The following GSTM3 variants were observed in gnomAD, a reference collection of about 807,000 sequenced individuals.
GSTM3 encodes GST class-mu 3.
Under a neutral mutation model 36.1 loss-of-function variants are expected in GSTM3, and 34 were observed. The ratio of observed to expected loss-of-function variants is 0.94; its 90% confidence interval spans 0.72 to 1.25. The LOEUF is 1.25. Among genes scored for constraint, GSTM3 ranks in the 50% most tolerant of loss-of-function variants. The pLI is 0.00. For missense variants in GSTM3, 266 were observed against 281.6 expected (o/e 0.94, Z 0.40); for synonymous variants, 102 against 99.5 (o/e 1.03, Z -0.15).
intron 8 of GSTM3, 132 bp downstream of exon 8, chr1:109,737,325 T>G: frequency 1.2e-6 from 1 of 817,154 alleles, no homozygotes; most frequent in Non-Finnish European, 2.1e-6. Flanking sequence ...TCCCAAGACT[T>G]AAAGGTCTAG....
chr1:109,739,556 G>T, intron 3 of GSTM3, 63 bp from the exon 4 acceptor site: 2 of 1,225,838 alleles, frequency 1.6e-6, no homozygotes, highest in Non-Finnish European at 2.4e-6. Context: ...AAGAGCAAAA[G>T]ATCTAAAGAA....
chr1:109,737,858 T>C (rs1649249701), intron 6 of GSTM3, 107 bp from the exon 7 acceptor site: 1 of 748,770 alleles, frequency 1.3e-6, no homozygotes, highest in African/African-American at 1.8e-5. Context: ...TGGGTTCTCA[T>C]TGCCTTCACT....
rs181494302 is a variant in GSTM3, at chr1:109,740,223, G to A, written c.48+17C>T. ...GTCTCTTTGACCGAGCGGCTCTACCGTTGAGACGGCACTCACCCCACGAAT... is the reference window on the plus strand; with the variant it reads ...GTCTCTTTGACCGAGCGGCTCTACCATTGAGACGGCACTCACCCCACGAAT... On this transcript the variant is annotated intron_variant, in intron 2 of 8. Coordinates refer to ENST00000361066, the MANE Select transcript of GSTM3 (RefSeq NM_000849.5). 2.5e-6 allele frequency: 4 copies of A among 1,610,468 alleles called. No homozygotes were observed. The East Asian group carries it at 6.7e-5, about 27-fold the overall frequency.
At chr1:109,738,256 G>C (rs1649266136) in intron 5 of GSTM3, 29 bp downstream of exon 5, 1 of 1,603,784 alleles carries the variant, frequency 6.2e-7, no homozygotes, top group African/African-American at 1.3e-5. Context: ...TACCAGCCTG[G>C]GGTCCCTCAC....
intron 6 of GSTM3, 101 bp from the exon 7 acceptor site, chr1:109,737,852 T>C: frequency 1.3e-6 from 1 of 779,630 alleles, no homozygotes; most frequent in Non-Finnish European, 2.2e-6. Flanking sequence ...TCTAGGTGGG[T>C]TCTCATTGCC....
chr1:109,738,251 G>T, intron 5 of GSTM3, 34 bp downstream of exon 5: 3 of 1,601,946 alleles, frequency 1.9e-6, no homozygotes, highest in Non-Finnish European at 2.6e-6. Flanking sequence ...CAAACTACCA[G>T]CCTGGGGTCC....
chr1:109,737,250 T>C (rs1484557548), intron 8 of GSTM3, 81 bp from the exon 9 acceptor site: 2 of 982,992 alleles, frequency 2.0e-6, no homozygotes, highest in Non-Finnish European at 3.3e-6. Context: ...CATTCACGTG[T>C]TGCCTGCGTC....
rs948557600 is a variant in GSTM3, at chr1:109,736,138, A to G, written c.*933T>C. The G allele has an allele frequency of 6.6e-6, 1 of 152,240 alleles. No individual in the cohort carries two copies. Among genetic ancestry groups the G allele is most frequent in the African/African-American group, 2.4e-5 (1 of 41,470 alleles). The allele number at this position is 152,240 out of a possible 1,614,324, so 9.4% of individuals were successfully genotyped here. ...ATATGGTTTCTCACTGTTGTAATTGATAATTCCTTACATCATAAACATCTT... is the reference window on the plus strand; with the variant it reads ...ATATGGTTTCTCACTGTTGTAATTGGTAATTCCTTACATCATAAACATCTT... On this transcript the variant is annotated 3_prime_UTR_variant, in exon 9 of 9. Transcript: ENST00000361066.
chr1:109,739,540 C>G lies in GSTM3; in HGVS notation c.125-47G>C, dbSNP rs189263054. On this transcript the variant is annotated intron_variant, in intron 3 of 8. Coordinates refer to ENST00000361066, the MANE Select transcript of GSTM3 (RefSeq NM_000849.5). ...GGGACCCAACCTCCTTAATACCCCA[C>G]CTGACAAGAGCAAAAGATCTAAAGA... 11 of 1,363,830 alleles carry G rather than the reference C, an allele frequency of 8.1e-6. No individual in the cohort carries two copies. The East Asian group carries it at 1.4e-4, about 17-fold the overall frequency. The allele number at this position is 1,363,830 out of a possible 1,614,324, so 84.5% of individuals were successfully genotyped here. A position where few individuals can be genotyped will look rare whatever the true frequency, so the allele number is the denominator to read the frequency against.
Position 109,735,065 on chromosome 1 carries a change from G to A in GSTM3, c.*2006C>T, listed in dbSNP as rs1202053293. 6.6e-6 allele frequency: 1 copy of A among 152,248 alleles called. No homozygotes were observed. The highest frequency in any genetic ancestry group is 1.9e-4 in the East Asian group (1 of 5,200). The allele number at this position is 152,248 out of a possible 1,614,324, so 9.4% of individuals were successfully genotyped here. A position where few individuals can be genotyped will look rare whatever the true frequency, so the allele number is the denominator to read the frequency against. ...GAAAAGCAAGTCTTAGCCTTAACTT[G>A]GAAATGCCCTTTAACTTCCACCATG... On this transcript the variant is annotated 3_prime_UTR_variant, in exon 9 of 9. Transcript: ENST00000361066.
intron 8 of GSTM3, 89 bp from the exon 9 acceptor site, chr1:109,737,258 G>T: frequency 1.1e-6 from 1 of 945,360 alleles, no homozygotes; most frequent in Non-Finnish European, 1.7e-6. Context: ...TGTTGCCTGC[G>T]TCTACCTCCT....
rs941549121 is a variant in GSTM3, at chr1:109,739,884, G to A, written c.73C>T (p.Leu25=). The A allele has an allele frequency of 2.6e-6, 4 of 1,555,382 alleles. No homozygotes were observed. Among genetic ancestry groups the A allele is most frequent in the South Asian group, 2.4e-5 (2 of 84,266 alleles). ...RGLAHAIRLL[L]EFTDTSYEEK... ...TCATAAGAGGTATCCGTGAACTCCA[G>A]GAGCAGGCGGATGGCGTGCGCCAGC... Residue 25 remains leucine (L), a synonymous_variant, in exon 3 of 9, where the codon CTG becomes TTG. Transcript: ENST00000361066.
At chr1:109,738,878 T>C (rs1649287078) in intron 4 of GSTM3, among the ~76,000 whole-genome samples, 1 of 152,218 alleles carries the variant, frequency 6.6e-6, no homozygotes, top group Non-Finnish European at 1.5e-5. Context: ...CCCAACACTT[T>C]GGAAGGCCGA....
rs781056102 is a variant in GSTM3, at chr1:109,734,681, G to A, written c.*2390C>T. Reference sequence around the variant, plus strand: ...AGCTTTATACCTCTTCTGGCCAAAGGCTCCCCCATGCCCAAGATACTGGCC... The same window carrying A: ...AGCTTTATACCTCTTCTGGCCAAAGACTCCCCCATGCCCAAGATACTGGCC... On this transcript the variant is annotated 3_prime_UTR_variant, in exon 9 of 9. Transcript: ENST00000361066. The A allele has an allele frequency of 6.6e-6, 1 of 152,194 alleles. No homozygotes were observed. Among genetic ancestry groups the A allele is most frequent in the Non-Finnish European group, 1.5e-5 (1 of 68,060 alleles). 9.4% of individuals were successfully genotyped at this position (152,194 alleles called of 1,614,324 possible).
intron 4 of GSTM3, among the ~76,000 whole-genome samples, chr1:109,738,799 C>T (rs1432165337): frequency 6.6e-6 from 1 of 152,092 alleles, no homozygotes; most frequent in Non-Finnish European, 1.5e-5. Context: ...CTTAAAATAT[C>T]TGCAACGCAT....
In GSTM3 at chr1:109,734,404, A is replaced by T. The variant is rs1490896004; in HGVS notation, c.*2667T>A. ...GTCTTGCCGTTGTTCTTGTGAACATAGTTCCTTTCTATCCCTTCTCCTGAG... is the reference window on the plus strand; with the variant it reads ...GTCTTGCCGTTGTTCTTGTGAACATTGTTCCTTTCTATCCCTTCTCCTGAG... On this transcript the variant is annotated 3_prime_UTR_variant, in exon 9 of 9. Transcript: ENST00000361066. The T allele has an allele frequency of 1.3e-5, 2 of 152,174 alleles. No homozygotes were observed. The highest frequency in any genetic ancestry group is 4.8e-5 in the African/African-American group (2 of 41,444). The allele number at this position is 152,174 out of a possible 1,614,324, so 9.4% of individuals were successfully genotyped here.
Position 109,735,358 on chromosome 1 carries a change from G to A in GSTM3, c.*1713C>T, listed in dbSNP as rs1383389310. On this transcript the variant is annotated 3_prime_UTR_variant, in exon 9 of 9. Coordinates refer to ENST00000361066, the MANE Select transcript of GSTM3 (RefSeq NM_000849.5). ...ACAGCTAATTAAAAAAAATTTTTGG[G>A]AGACAGGGGTCTCACTATGTTGCCC... 6.6e-6 allele frequency: 1 copy of A among 151,890 alleles called. No individual in the cohort carries two copies. Among genetic ancestry groups the A allele is most frequent in the African/African-American group, 2.4e-5 (1 of 41,358 alleles). The allele number at this position is 151,890 out of a possible 1,614,324, so 9.4% of individuals were successfully genotyped here. A position where few individuals can be genotyped will look rare whatever the true frequency, so the allele number is the denominator to read the frequency against.
intron 4 of GSTM3, 43 bp downstream of exon 4, chr1:109,739,386 A>G (rs748032746): frequency 2.1e-6 from 3 of 1,402,242 alleles, no homozygotes; most frequent in Non-Finnish European, 3.0e-6. Context: ...GATATACTTG[A>G]AGGCTTTCCC....
At position 109,740,005 on chromosome 1, in the gene GSTM3, T is replaced by C. The variant is rs1649321743; in HGVS notation, c.49-97A>G. 7 of 1,086,714 alleles carry C rather than the reference T, an allele frequency of 6.4e-6. No homozygotes were observed. The South Asian group carries it at 9.7e-5, about 15-fold the overall frequency. The allele number at this position is 1,086,714 out of a possible 1,614,324, so 67.3% of individuals were successfully genotyped here. ...GGCCCGGGGCTGCCGAGTCCCTGCG[T>C]CCTGCCGGGGCGGTGGTTAAGCGGC... On this transcript the variant is annotated intron_variant, in intron 2 of 8. Transcript: ENST00000361066.
Sources: allele counts gnomAD v4.1 joint callset (sites outside exome capture counted in the v4.1 genomes callset), GRCh38; gene constraint gnomAD v4.1.1; transcripts MANE v1.5; gene names NCBI Gene and HGNC (gene_info 2026-07-23, HGNC 2026-07-21).